UNC13C: variants seen among roughly 807,000 people sequenced by gnomAD.
The protein encoded by UNC13C is unc-13 homolog C, also known as protein unc-13 homolog C.
Under a neutral mutation model 245.4 loss-of-function variants are expected in UNC13C, and 174 were observed. That is an observed-to-expected ratio of 0.71 (90% CI 0.63 to 0.80). The LOEUF is 0.80. Ranked by LOEUF, UNC13C falls within the 30% of genes least tolerant of loss-of-function variation. The pLI is 0.00. For synonymous variants in UNC13C, 992 were observed against 895.1 expected (o/e 1.11, Z -1.93); for missense variants, 2,829 against 2,602.9 (o/e 1.09, Z -1.89).
chr15:53,878,958 C>T, the UNC13C span, among the ~76,000 whole-genome samples: 1 of 152,102 alleles, frequency 6.6e-6, no homozygotes, highest in Non-Finnish European at 1.5e-5. Context: ...AACTTTAAAA[C>T]AATTTTTTGC....
the UNC13C span, among the ~76,000 whole-genome samples, chr15:53,968,853 A>G: frequency 2.0e-3 from 309 of 152,286 alleles, 4 homozygotes; most frequent in East Asian, 0.023. Flanking sequence ...TTTCTGCTCT[A>G]TTTTGAAAAC....
intron 14 of UNC13C, among the ~76,000 whole-genome samples, chr15:54,327,112 G>A (rs932712577): frequency 1.3e-5 from 2 of 152,002 alleles, no homozygotes; most frequent in Non-Finnish European, 2.9e-5. Context: ...AAAATTCCAT[G>A]AGGTGGGAGG....
intron 2 of UNC13C, among the ~76,000 whole-genome samples, chr15:54,070,088 C>G (rs994887067): frequency 3.3e-5 from 5 of 152,216 alleles, no homozygotes; most frequent in African/African-American, 1.2e-4. Context: ...CTGTTGGATT[C>G]CGAAGCCCCT....
At chr15:54,103,052 T>C (rs776077948) in intron 2 of UNC13C, among the ~76,000 whole-genome samples, 43 of 152,210 alleles carry the variant, frequency 2.8e-4, no homozygotes, top group Non-Finnish European at 5.7e-4. Context: ...CTGAAGTTCA[T>C]TGTCTGGCAG....
intron 2 of UNC13C, among the ~76,000 whole-genome samples, chr15:54,032,021 A>G (rs1896378610): frequency 6.6e-6 from 1 of 152,194 alleles, no homozygotes; most frequent in African/African-American, 2.4e-5. Flanking sequence ...CGGAAGTATT[A>G]ATTAGAAGGA....
chr15:54,372,447 G>A (rs1254983018), intron 17 of UNC13C, among the ~76,000 whole-genome samples: 6 of 151,946 alleles, frequency 3.9e-5, no homozygotes, highest in South Asian at 2.1e-4. Context: ...CTTAATACTC[G>A]TGACCCAAGT....
chr15:54,335,692 C>T (rs1596241590), intron 16 of UNC13C, among the ~76,000 whole-genome samples: 1 of 152,144 alleles, frequency 6.6e-6, no homozygotes, highest in East Asian at 1.9e-4. Flanking sequence ...AATGTATCAA[C>T]AATTCACTTC....
chr15:54,331,902 A>G (rs2038446090), intron 14 of UNC13C, 141 bp from the exon 15 acceptor site: 6 of 516,120 alleles, frequency 1.2e-5, no homozygotes, highest in Non-Finnish European at 3.3e-6. Context: ...TATGCCACAT[A>G]GTAACTTTAT....
At chr15:54,303,084 T>C (rs1371166797) in intron 13 of UNC13C, among the ~76,000 whole-genome samples, 4 of 152,182 alleles carry the variant, frequency 2.6e-5, no homozygotes, top group African/African-American at 9.6e-5. Context: ...TTGAACCTCC[T>C]TCTCAAATCT....
chr15:54,445,177 G>A (rs1269988391), intron 19 of UNC13C, among the ~76,000 whole-genome samples: 12 of 152,094 alleles, frequency 7.9e-5, no homozygotes, highest in East Asian at 1.9e-4. Context: ...AGTATTCCAC[G>A]GTGTATATGT....
intron 2 of UNC13C, among the ~76,000 whole-genome samples, chr15:54,022,179 G>A (rs111636411): frequency 1.2e-4 from 18 of 152,260 alleles, no homozygotes; most frequent in South Asian, 6.2e-4. Flanking sequence ...TGAAATGGCC[G>A]TGCTAATATA....
the UNC13C span, among the ~76,000 whole-genome samples, chr15:53,972,514 G>C: frequency 3.9e-5 from 6 of 152,174 alleles, no homozygotes; most frequent in African/African-American, 1.4e-4. Flanking sequence ...AGGCAGTTAG[G>C]TGGAAAGGTC....
intron 19 of UNC13C, among the ~76,000 whole-genome samples, chr15:54,459,093 G>C (rs1233954566): frequency 1.3e-5 from 2 of 152,090 alleles, no homozygotes; most frequent in Non-Finnish European, 2.9e-5. Context: ...TGGCGTGGTA[G>C]TGGTGAATTC....
chr15:54,032,470 A>C (rs908586444), intron 2 of UNC13C, among the ~76,000 whole-genome samples: 1 of 152,186 alleles, frequency 6.6e-6, no homozygotes, highest in African/African-American at 2.4e-5. Flanking sequence ...GGTAACTAGT[A>C]GGGAGTTGTT....
chr15:54,373,655 C>A (rs2039542802), intron 17 of UNC13C, among the ~76,000 whole-genome samples: 1 of 152,248 alleles, frequency 6.6e-6, no homozygotes, highest in Non-Finnish European at 1.5e-5. Flanking sequence ...GAAGGTGTCA[C>A]AGCCCTGGCT....
At chr15:54,088,293 A>G (rs901617812) in intron 2 of UNC13C, among the ~76,000 whole-genome samples, 1 of 142,518 alleles carries the variant, frequency 7.0e-6, no homozygotes, top group African/African-American at 2.7e-5. Context: ...TTCAGGCCCC[A>G]TGGATCACTC....
intron 19 of UNC13C, among the ~76,000 whole-genome samples, chr15:54,470,141 A>G (rs976193371): frequency 1.3e-5 from 2 of 151,538 alleles, no homozygotes; most frequent in African/African-American, 2.4e-5. Flanking sequence ...TTTTTAATGT[A>G]CTGCTGAATA....
intron 19 of UNC13C, among the ~76,000 whole-genome samples, chr15:54,447,751 G>C (rs116320399): frequency 0.31 from 46,324 of 151,878 alleles, 7,577 homozygotes; most frequent in East Asian, 0.53. Context: ...TTTTTTGAAG[G>C]GTTTTCTGTG....
At chr15:54,104,476 C>T (rs1900331732) in intron 2 of UNC13C, among the ~76,000 whole-genome samples, 1 of 151,956 alleles carries the variant, frequency 6.6e-6, no homozygotes, top group Non-Finnish European at 1.5e-5. Context: ...TGACTGACCT[C>T]TAATATTCTT....
Sources: allele counts gnomAD v4.1 joint callset (sites outside exome capture counted in the v4.1 genomes callset), GRCh38; gene constraint gnomAD v4.1.1; transcripts MANE v1.5; gene names NCBI Gene and HGNC (gene_info 2026-07-23, HGNC 2026-07-21).